Variants in LGSN observed in about 807,000 individuals in gnomAD.
LGSN encodes the protein lengsin, lens protein with glutamine synthetase domain.
Under a neutral mutation model 19.5 loss-of-function variants are expected in LGSN, and 21 were observed. The ratio of observed to expected loss-of-function variants is 1.07; its 90% CI spans 0.76 to 1.55. The LOEUF is 1.55. LGSN is among the 40% of genes most tolerant of loss of function. LGSN has a pLI of 0.00. For synonymous variants in LGSN, 257 were observed against 215.6 expected (o/e 1.19, Z -1.68); for missense variants, 673 against 608.5 (o/e 1.11, Z -1.12).
the LGSN span, among the ~76,000 whole-genome samples, chr6:63,456,576 T>C: frequency 6.6e-6 from 1 of 151,774 alleles, no homozygotes; most frequent in East Asian, 1.9e-4. Context: ...TTAGTTCATG[T>C]CACAGAAGAG....
At chr6:63,400,439 T>C in the LGSN span, among the ~76,000 whole-genome samples, 6 of 152,348 alleles carry the variant, frequency 3.9e-5, no homozygotes, top group Admixed American at 6.5e-5. Context: ...GGACATTTAA[T>C]GAGCAGGCCA....
chr6:63,335,369 A>G, the LGSN span, among the ~76,000 whole-genome samples: 5 of 152,198 alleles, frequency 3.3e-5, no homozygotes, highest in Non-Finnish European at 1.5e-5. Context: ...CTATGCAAAG[A>G]TTTTATAACT....
chr6:63,535,963 G>A, the LGSN span, among the ~76,000 whole-genome samples: 2 of 152,172 alleles, frequency 1.3e-5, no homozygotes, highest in South Asian at 4.1e-4. Flanking sequence ...TGTAGAGACA[G>A]TGTTTCACTG....
At chr6:63,503,558 A>G in the LGSN span, among the ~76,000 whole-genome samples, 3 of 152,234 alleles carry the variant, frequency 2.0e-5, no homozygotes, top group Non-Finnish European at 2.9e-5. Context: ...TTTCAACCAT[A>G]TATTCAGACT....
the LGSN span, among the ~76,000 whole-genome samples, chr6:63,410,839 A>G: frequency 1.3e-5 from 2 of 152,180 alleles, no homozygotes; most frequent in Non-Finnish European, 2.9e-5. Flanking sequence ...TGAAATCTTA[A>G]TGACCCCACA....
chr6:63,356,709 G>T, the LGSN span, among the ~76,000 whole-genome samples: 1 of 152,106 alleles, frequency 6.6e-6, no homozygotes, highest in Non-Finnish European at 1.5e-5. Context: ...ATATACCTAG[G>T]AGAAGAGATA....
At chr6:63,469,294 T>C in the LGSN span, among the ~76,000 whole-genome samples, 1 of 152,220 alleles carries the variant, frequency 6.6e-6, no homozygotes, top group African/African-American at 2.4e-5. Context: ...AAATAAAGGC[T>C]GCTGTTTTTC....
chr6:63,442,394 A>G, the LGSN span, among the ~76,000 whole-genome samples: 9 of 152,220 alleles, frequency 5.9e-5, no homozygotes, highest in East Asian at 1.5e-3. Context: ...ATCTGGCCCC[A>G]CCCACATCCT....
the LGSN span, among the ~76,000 whole-genome samples, chr6:63,558,754 A>T: frequency 4.6e-5 from 7 of 152,240 alleles, no homozygotes; most frequent in Admixed American, 4.6e-4. Flanking sequence ...AATGACAGAG[A>T]AAGAATAGGA....
the LGSN span, among the ~76,000 whole-genome samples, chr6:63,381,441 G>GTA: frequency 6.6e-6 from 1 of 152,162 alleles, no homozygotes; most frequent in Non-Finnish European, 1.5e-5. Context: ...AAAGAAAAGA[G>GTA]TAGTACTAAG....
the LGSN span, among the ~76,000 whole-genome samples, chr6:63,553,797 T>A: frequency 1.3e-5 from 2 of 152,180 alleles, no homozygotes; most frequent in South Asian, 4.1e-4. Context: ...GGCAGGAACA[T>A]AACCAAACTA....
the LGSN span, among the ~76,000 whole-genome samples, chr6:63,470,734 A>G: frequency 6.6e-6 from 1 of 152,032 alleles, no homozygotes; most frequent in East Asian, 1.9e-4. Flanking sequence ...AATAAAGTCT[A>G]TGTCTTCTTT....
rs1230246713 is a variant in LGSN at position 63,280,855 on chromosome 6, T to TA, written c.695dup (p.Leu232PhefsTer3). The stretch of plus-strand genomic sequence containing the variant: ...GCATGAAGGGCTGATCATGGTTATT[T>TA]AAAAATGTTAAAGCAGGAAAAGATA... On this transcript the variant is annotated frameshift_variant, in exon 4 of 4. Coordinates refer to ENST00000370657, the MANE Select transcript of LGSN (RefSeq NM_016571.3). LOFTEE classifies it low-confidence loss of function (END_TRUNC). 21 of 1,613,820 alleles carry TA rather than the reference T, an allele frequency of 1.3e-5. No homozygotes were observed. The Admixed American group carries it at 3.5e-4, about 27-fold the overall frequency.
At chr6:63,412,458 GAAAGAA>G in the LGSN span, among the ~76,000 whole-genome samples, 44 of 121,044 alleles carry the variant, frequency 3.6e-4, 1 homozygote, top group African/African-American at 1.4e-3. Flanking sequence ...AAGAAAGAAA[GAAAGAA>G]AAAGAGAGAG....
the LGSN span, among the ~76,000 whole-genome samples, chr6:63,525,355 T>TG: frequency 1.3e-5 from 2 of 152,150 alleles, no homozygotes; most frequent in African/African-American, 4.8e-5. Flanking sequence ...ATTCTGCCAA[T>TG]GGGGGAGCTA....
the LGSN span, among the ~76,000 whole-genome samples, chr6:63,412,503 A>AG: frequency 9.0e-5 from 10 of 111,196 alleles, no homozygotes; most frequent in East Asian, 5.0e-4. Context: ...AGAAAGAAAG[A>AG]AAGAAAGAAA....
At chr6:63,409,696 C>CT in the LGSN span, among the ~76,000 whole-genome samples, 2 of 152,216 alleles carry the variant, frequency 1.3e-5, no homozygotes, top group Admixed American at 6.5e-5. Context: ...TACAAACAGA[C>CT]TTTTTTGCTA....
chr6:63,526,850 C>A, the LGSN span, among the ~76,000 whole-genome samples: 4 of 96,542 alleles, frequency 4.1e-5, no homozygotes, highest in African/African-American at 1.8e-4. Context: ...TTTATTTATT[C>A]TTCTTAAGGG....
chr6:63,317,773 G>A (rs1312305520), intron 1 of LGSN, among the ~76,000 whole-genome samples: 3 of 152,142 alleles, frequency 2.0e-5, no homozygotes, highest in Admixed American at 2.0e-4. Context: ...AGGCTGCAGA[G>A]CAGGATGAGT....
Sources: allele counts gnomAD v4.1 joint callset (sites outside exome capture counted in the v4.1 genomes callset), GRCh38; gene constraint gnomAD v4.1.1; transcripts MANE v1.5; gene names NCBI Gene and HGNC (gene_info 2026-07-23, HGNC 2026-07-21).